Variants in HNMT observed in about 807,000 individuals in gnomAD.
HNMT encodes histamine N-methyltransferase.
In HNMT, 30 loss-of-function variants were observed where a neutral mutation model predicts 32.1. That is an observed-to-expected ratio of 0.93 (90% CI 0.70 to 1.27). HNMT has a LOEUF of 1.27. Ranked by LOEUF, HNMT falls within the 50% of genes most tolerant of loss-of-function variation. The probability of loss-of-function intolerance (pLI) is 0.00; values close to 1 mark genes in which losing one functional copy is unlikely to be tolerated. For missense variants in HNMT, 327 were observed against 346.0 expected (o/e 0.95, Z 0.43); for synonymous variants, 125 against 119.0 (o/e 1.05, Z -0.33).
intron 2 of HNMT, among the ~76,000 whole-genome samples, chr2:137,990,842 G>A (rs1680796440): frequency 6.6e-6 from 1 of 151,864 alleles, no homozygotes; most frequent in Non-Finnish European, 1.5e-5. Flanking sequence ...ACACCAAGCA[G>A]CAGATACTTC....
chr2:137,995,356 T>C (rs953501639), intron 2 of HNMT, among the ~76,000 whole-genome samples: 1 of 152,038 alleles, frequency 6.6e-6, no homozygotes, highest in Non-Finnish European at 1.5e-5. Flanking sequence ...CCCACAGAAA[T>C]ACAAACTACC....
At chr2:137,982,574 CTTCCCAAATCAGAAAGCCAGCATA>C (rs1185548969) in intron 2 of HNMT, among the ~76,000 whole-genome samples, 1 of 152,116 alleles carries the variant, frequency 6.6e-6, no homozygotes, top group Non-Finnish European at 1.5e-5. Flanking sequence ...TTTTCATTAA[CTTCCCAAATCAGAAAGCCAGCATA>C]TTCTGTTTGG....
Position 138,013,865 on chromosome 2 carries a change from C to A in HNMT, c.614C>A (p.Thr205Asn). Reference sequence around the variant, plus strand: ...CAGTATATCACATCAGATGACCTCACTCAGATGCTGGACAACCTAGGGCTT... The same window carrying A: ...CAGTATATCACATCAGATGACCTCAATCAGATGCTGGACAACCTAGGGCTT... ...LCQYITSDDLTQMLDNLGLKY... is the reference protein window; with the variant it reads ...LCQYITSDDLNQMLDNLGLKY... The change falls in exon 6 of 6, where the codon ACT becomes AAT. Residue 205 changes from threonine (T) to asparagine (N), a missense_variant. Thr to Asn is a moderately conservative substitution (Grantham distance 65). Coordinates refer to ENST00000280097, the MANE Select transcript of HNMT (RefSeq NM_006895.3). The A allele has an allele frequency of 6.2e-7, 1 of 1,613,748 alleles. No individual in the cohort carries two copies. Among genetic ancestry groups the A allele is most frequent in the Non-Finnish European group, 8.5e-7 (1 of 1,179,768 alleles).
chr2:138,013,965 C>A lies in HNMT; in HGVS notation c.714C>A (p.Asp238Glu). The change falls in exon 6 of 6, where the codon GAC becomes GAA. Residue 238 changes from aspartate to glutamate, a missense_variant. Transcript: ENST00000280097. The stretch of plus-strand genomic sequence containing the variant: ...TTATTGATGGTAATGAAAATGGAGA[C>A]CTGCTTTGGGATTTTTTGACTGAAA... Reference protein sequence around the residue: ...DCFIDGNENGDLLWDFLTETC... With the variant: ...DCFIDGNENGELLWDFLTETC... 1.2e-6 allele frequency: 2 copies of A among 1,613,734 alleles called. No individual in the cohort carries two copies. Among genetic ancestry groups the A allele is most frequent in the East Asian group, 2.2e-5 (1 of 44,866 alleles).
rs1679902521 is a variant in HNMT at position 137,964,749 on chromosome 2, A to G, written c.137+121A>G. On this transcript the variant is annotated intron_variant, in intron 1 of 5. Coordinates refer to ENST00000280097, the MANE Select transcript of HNMT (RefSeq NM_006895.3). ...GGGATAAGGGCGAATTACTGATAGCAGCTCCCCGTCGTCCCCTCCTCGCTG... is the reference window on the plus strand; with the variant it reads ...GGGATAAGGGCGAATTACTGATAGCGGCTCCCCGTCGTCCCCTCCTCGCTG... 12 of 948,690 alleles carry G rather than the reference A, an allele frequency of 1.3e-5. No homozygotes were observed. The East Asian group carries it at 2.9e-4, about 23-fold the overall frequency. The allele number at this position is 948,690 out of a possible 1,614,324, so 58.8% of individuals were successfully genotyped here.
chr2:137,979,544 G>A (rs947888915), intron 2 of HNMT, among the ~76,000 whole-genome samples: 10 of 151,898 alleles, frequency 6.6e-5, no homozygotes, highest in African/African-American at 1.4e-4. Context: ...GAGCCACCAC[G>A]CCCGGCCATA....
At chr2:138,002,311 T>A (rs1449609190) in intron 4 of HNMT, 117 bp downstream of exon 4, 1 of 1,116,324 alleles carries the variant, frequency 9.0e-7, no homozygotes, top group Non-Finnish European at 1.2e-6. Context: ...GATTTCTAAT[T>A]TTACAAGTGA....
At chr2:137,965,279 G>A (rs1253308368) in intron 1 of HNMT, among the ~76,000 whole-genome samples, 4 of 152,104 alleles carry the variant, frequency 2.6e-5, no homozygotes, top group African/African-American at 9.7e-5. Flanking sequence ...ATTTGTGCCA[G>A]AGCTGATAAG....
chr2:137,996,487 G>A (rs1443067303), intron 2 of HNMT, among the ~76,000 whole-genome samples: 1 of 152,010 alleles, frequency 6.6e-6, no homozygotes, highest in East Asian at 1.9e-4. Flanking sequence ...CCTCTTCAAG[G>A]AGATCTACAA....
chr2:137,992,394 A>G (rs1293120239), intron 2 of HNMT, among the ~76,000 whole-genome samples: 3 of 152,172 alleles, frequency 2.0e-5, no homozygotes, highest in African/African-American at 7.2e-5. Context: ...GGGAGGCTGG[A>G]CGGCTTGGTC....
Position 138,002,119 on chromosome 2 carries a change from G to T in HNMT, c.354G>T (p.Glu118Asp). 1 of 1,603,570 alleles carries T rather than the reference G, an allele frequency of 6.2e-7. No individual in the cohort carries two copies. The highest frequency in any genetic ancestry group is 8.5e-7 in the Non-Finnish European group (1 of 1,174,154). Residue 118 changes from glutamate to aspartate, a missense_variant, in exon 4 of 6, where the codon GAG becomes GAT. Glu to Asp is a conservative substitution (Grantham distance 45). Transcript: ENST00000280097. ...ACGTAAAGTTTGCTTGGCATAAGGA[G>T]ACATCATCTGAATACCAAAGTAGAA... ...LENVKFAWHK[E>D]TSSEYQSRML...
At position 138,014,127 on chromosome 2, in the gene HNMT, A is replaced by T. The variant is rs1316681747; in HGVS notation, c.876A>T (p.Ala292=). The change falls in exon 6 of 6, where the codon GCA becomes GCT. Residue 292 remains alanine, a synonymous_variant. Transcript: ENST00000280097. Reference sequence around the variant, plus strand: ...CTCTGAGTTTCATAGTGATTGAGGCATAACTATCAATCACAAAAGTATATT... The same window carrying T: ...CTCTGAGTTTCATAGTGATTGAGGCTTAACTATCAATCACAAAAGTATATT... The part of the protein sequence containing the change: ...NNTLSFIVIE[A] 3 of 1,491,020 alleles carry T rather than the reference A, an allele frequency of 2.0e-6. No individual in the cohort carries two copies. Among genetic ancestry groups the T allele is most frequent in the Admixed American group, 4.0e-5 (2 of 50,536 alleles). The allele number at this position is 1,491,020 out of a possible 1,614,324, so 92.4% of individuals were successfully genotyped here.
intron 1 of HNMT, among the ~76,000 whole-genome samples, chr2:137,968,650 A>T (rs1680031484): frequency 6.6e-6 from 1 of 152,236 alleles, no homozygotes; most frequent in Admixed American, 6.5e-5. Flanking sequence ...CATAGATGTA[A>T]GCATTTTAAA....
At chr2:138,002,550 C>T (rs1283824279) in intron 4 of HNMT, 5 of 230,664 alleles carry the variant, frequency 2.2e-5, no homozygotes, top group Non-Finnish European at 2.1e-5. Flanking sequence ...TGAGCTTAAG[C>T]AATTCTCCCA....
chr2:138,011,012 T>C (rs1243405070), intron 5 of HNMT, among the ~76,000 whole-genome samples: 1 of 151,574 alleles, frequency 6.6e-6, no homozygotes, highest in Non-Finnish European at 1.5e-5. Context: ...TTTAGTGCAG[T>C]GAGAAAAAGA....
At chr2:138,001,509 A>G (rs1681170810) in intron 3 of HNMT, among the ~76,000 whole-genome samples, 1 of 152,210 alleles carries the variant, frequency 6.6e-6, no homozygotes, top group Admixed American at 6.5e-5. Flanking sequence ...GTGTGTTTGA[A>G]TAAAACTTTA....
intron 3 of HNMT, among the ~76,000 whole-genome samples, chr2:138,001,775 T>C (rs1681180851): frequency 6.6e-6 from 1 of 152,144 alleles, no homozygotes; most frequent in South Asian, 2.1e-4. Flanking sequence ...TCACTTTCCA[T>C]TGATAAAATT....
intron 2 of HNMT, among the ~76,000 whole-genome samples, chr2:137,995,026 G>T (rs1412206114): frequency 6.6e-6 from 1 of 152,124 alleles, no homozygotes; most frequent in East Asian, 1.9e-4. Context: ...AGTGTTAAGA[G>T]GGAAATTTAT....
At chr2:137,994,405 A>G (rs1680919745) in intron 2 of HNMT, among the ~76,000 whole-genome samples, 1 of 152,216 alleles carries the variant, frequency 6.6e-6, no homozygotes, top group South Asian at 2.1e-4. Context: ...CAGACTTTAA[A>G]CCAACAAAGA....
Sources: allele counts gnomAD v4.1 joint callset (sites outside exome capture counted in the v4.1 genomes callset), GRCh38; gene constraint gnomAD v4.1.1; transcripts MANE v1.5; gene names NCBI Gene and HGNC (gene_info 2026-07-23, HGNC 2026-07-21).